NIPAL2: variants seen among roughly 807,000 people sequenced by gnomAD.
The protein encoded by NIPAL2 is NIPA-like protein 2.
Under a neutral mutation model 48.9 loss-of-function variants are expected in NIPAL2, and 43 were observed. The observed-to-expected ratio is 0.88, with a 90% confidence interval of 0.69 to 1.13. The LOEUF (loss-of-function observed/expected upper bound fraction) is 1.13. Ranked by LOEUF, NIPAL2 falls within the 50% of genes most tolerant of loss-of-function variation. The pLI is 0.00. For missense variants in NIPAL2, 446 were observed against 461.4 expected (o/e 0.97, Z 0.31); for synonymous variants, 167 against 174.6 (o/e 0.96, Z 0.34).
At chr8:98,202,120 G>A (rs1489807830) in intron 8 of NIPAL2, among the ~76,000 whole-genome samples, 1 of 152,228 alleles carries the variant, frequency 6.6e-6, no homozygotes, top group African/African-American at 2.4e-5. Context: ...ATGCTATCAT[G>A]CCTGTCATAT....
intron 3 of NIPAL2, among the ~76,000 whole-genome samples, chr8:98,243,612 C>T (rs974600722): frequency 6.6e-6 from 1 of 152,136 alleles, no homozygotes; most frequent in African/African-American, 2.4e-5. Flanking sequence ...TAGCAGGCCA[C>T]AAGAGAGAAA....
chr8:98,264,553 C>T (rs1466767552), intron 1 of NIPAL2, among the ~76,000 whole-genome samples: 3 of 150,774 alleles, frequency 2.0e-5, no homozygotes, highest in Non-Finnish European at 3.0e-5. Context: ...GAATAAAATA[C>T]CTAGGAATCC....
Position 98,205,108 on chromosome 8 carries a change from T to TA in NIPAL2, c.791+2dup. On this transcript the variant is annotated splice_region_variant and intron_variant, in intron 7 of 10. Transcript: ENST00000430223. ...ATTAGTGAGTATGCAGAAGCTAACT[T>TA]ACTTGACTTGGAAAACACAAGATGC... 6.2e-7 allele frequency: 1 copy of TA among 1,613,466 alleles called. No individual in the cohort carries two copies. Among genetic ancestry groups the TA allele is most frequent in the South Asian group, 1.1e-5 (1 of 90,946 alleles).
intron 1 of NIPAL2, among the ~76,000 whole-genome samples, chr8:98,265,673 C>T (rs940202326): frequency 7.2e-6 from 1 of 139,384 alleles, no homozygotes; most frequent in African/African-American, 2.7e-5. Context: ...AACACTTTTA[C>T]ACTGTTGGTG....
intron 3 of NIPAL2, among the ~76,000 whole-genome samples, chr8:98,237,842 CT>C (rs937068291): frequency 1.3e-5 from 2 of 152,200 alleles, no homozygotes; most frequent in African/African-American, 4.8e-5. Flanking sequence ...CTGATTACCC[CT>C]GTGTATAGCT....
chr8:98,230,474 A>T (rs1236236518), intron 4 of NIPAL2, among the ~76,000 whole-genome samples: 1 of 152,214 alleles, frequency 6.6e-6, no homozygotes. Flanking sequence ...TTTACTGGAA[A>T]ACCTCTCAGA....
intron 3 of NIPAL2, among the ~76,000 whole-genome samples, chr8:98,239,409 G>A (rs1014190536): frequency 3.9e-5 from 6 of 152,158 alleles, no homozygotes; most frequent in African/African-American, 1.4e-4. Context: ...TTGTTGCCAA[G>A]CCACAGTTTC....
chr8:98,285,488 G>A (rs1161112076), intron 1 of NIPAL2, among the ~76,000 whole-genome samples: 1 of 152,156 alleles, frequency 6.6e-6, no homozygotes, highest in East Asian at 1.9e-4. Context: ...AGAAAGTCAA[G>A]CTCTTTCTTC....
At chr8:98,201,469 C>T (rs1476671305) in intron 8 of NIPAL2, among the ~76,000 whole-genome samples, 3 of 152,044 alleles carry the variant, frequency 2.0e-5, no homozygotes, top group Admixed American at 6.6e-5. Context: ...ACTGTAACCT[C>T]GAACTTCTGG....
chr8:98,219,662 C>T (rs531069457), intron 5 of NIPAL2, among the ~76,000 whole-genome samples: 2 of 152,288 alleles, frequency 1.3e-5, no homozygotes, highest in South Asian at 4.2e-4. Flanking sequence ...TTTCTACGTT[C>T]CCATTCCTGT....
At chr8:98,234,689 A>G (rs960839252) in intron 4 of NIPAL2, among the ~76,000 whole-genome samples, 20 of 148,876 alleles carry the variant, frequency 1.3e-4, no homozygotes, top group African/African-American at 4.2e-4. Flanking sequence ...CTGGGACTAC[A>G]AGTGCATGAC....
intron 3 of NIPAL2, among the ~76,000 whole-genome samples, chr8:98,238,222 A>G (rs1812813775): frequency 6.6e-6 from 1 of 152,220 alleles, no homozygotes; most frequent in Non-Finnish European, 1.5e-5. Context: ...TATGCAACAT[A>G]ATATATGCTG....
chr8:98,195,347 G>A (rs1810492805), intron 9 of NIPAL2, among the ~76,000 whole-genome samples: 1 of 152,102 alleles, frequency 6.6e-6, no homozygotes, highest in African/African-American at 2.4e-5. Flanking sequence ...AGATCAAGGA[G>A]CAGCTAAACA....
intron 8 of NIPAL2, among the ~76,000 whole-genome samples, chr8:98,196,535 T>G (rs1810559890): frequency 6.6e-6 from 1 of 152,228 alleles, no homozygotes. Context: ...AGTGCTACCT[T>G]AGCTCTACTT....
chr8:98,249,466 GTA>G (rs1202061008), intron 3 of NIPAL2, among the ~76,000 whole-genome samples: 3 of 151,650 alleles, frequency 2.0e-5, no homozygotes, highest in Non-Finnish European at 4.4e-5. Context: ...TATATGACTA[GTA>G]TATGTCAGAC....
chr8:98,271,260 G>C (rs1402837984), intron 1 of NIPAL2, among the ~76,000 whole-genome samples: 1 of 152,122 alleles, frequency 6.6e-6, no homozygotes, highest in African/African-American at 2.4e-5. Flanking sequence ...GATAGGAATA[G>C]TATAGAATCT....
intron 1 of NIPAL2, among the ~76,000 whole-genome samples, chr8:98,268,886 A>T (rs1417417497): frequency 1.3e-5 from 2 of 152,208 alleles, no homozygotes; most frequent in African/African-American, 2.4e-5. Context: ...TACTTTAATT[A>T]AAAAATATTT....
intron 1 of NIPAL2, among the ~76,000 whole-genome samples, chr8:98,280,940 AG>A (rs889998098): frequency 3.3e-5 from 5 of 151,968 alleles, no homozygotes; most frequent in Non-Finnish European, 5.9e-5. Flanking sequence ...CCTCCTTTGC[AG>A]GCTCAGTGAA....
intron 1 of NIPAL2, among the ~76,000 whole-genome samples, chr8:98,277,536 CAAAA>C (rs1010446703): frequency 6.7e-6 from 1 of 149,494 alleles, no homozygotes; most frequent in South Asian, 2.1e-4. Flanking sequence ...GAATCTGTCT[CAAAA>C]AAAAACCAAA....
Sources: gnomAD v4.1 joint callset for allele counts (sites outside exome capture counted in the v4.1 genomes callset) on GRCh38, gnomAD v4.1.1 for gene constraint, MANE v1.5 for transcripts, NCBI Gene and HGNC (gene_info 2026-07-23, HGNC 2026-07-21) for gene names.